The following TRAF2 variants were observed in gnomAD, a reference collection of about 807,000 sequenced individuals.
The protein encoded by TRAF2 is TNF receptor associated factor 2.
A neutral mutation model predicts 55.6 loss-of-function variants in TRAF2; 6 were observed. The observed-to-expected ratio is 0.11, with a 90% confidence interval of 0.06 to 0.21. The LOEUF (loss-of-function observed/expected upper bound fraction) is 0.21. Ranked by LOEUF, TRAF2 falls within the 10% of genes least tolerant of loss-of-function variation. The probability of loss-of-function intolerance (pLI) is 1.00; values close to 1 mark genes in which losing one functional copy is unlikely to be tolerated. For missense variants in TRAF2, 561 were observed against 684.5 expected, an observed-to-expected ratio of 0.82 and a Z score of 2.01; for synonymous variants, 329 against 276.3, an observed-to-expected ratio of 1.19 and a Z score of -1.89.
At chr9:136,897,845 T>G (rs1392656155) in intron 1 of TRAF2, among the ~76,000 whole-genome samples, 2 of 117,716 alleles carry the variant, frequency 1.7e-5, no homozygotes, top group Admixed American at 9.8e-5. Context: ...CTATAGGGAG[T>G]GCACTAGCCA....
chr9:136,905,826 C>T lies in TRAF2; in HGVS notation c.367-2244C>T, dbSNP rs545164582. 3.9e-5 allele frequency among the ~76,000 whole-genome samples: 6 copies of T among 152,204 alleles called. No individual in the cohort carries two copies. The South Asian group carries it at 6.2e-4, about 16-fold the overall frequency. ...AGCCTGGGTAAGATGGCTCTACCGC[C>T]GGGCGCGGTGGCTCACACCTGTAAT... is the stretch of plus-strand genomic sequence containing the variant. On this transcript the variant is annotated intron_variant, in intron 4 of 10. Coordinates refer to ENST00000247668, the MANE Select transcript of TRAF2 (RefSeq NM_021138.4).
intron 7 of TRAF2, among the ~76,000 whole-genome samples, chr9:136,917,315 C>T (rs1354257926): frequency 6.6e-6 from 1 of 152,234 alleles, no homozygotes; most frequent in Admixed American, 6.5e-5. Flanking sequence ...GCTCGCTGGC[C>T]TGAGCTTCCT....
chr9:136,903,231 A>G (rs1849862745), intron 4 of TRAF2, among the ~76,000 whole-genome samples: 1 of 152,230 alleles, frequency 6.6e-6, no homozygotes. Context: ...GATTCCTGGC[A>G]TAAGCCACTG....
In TRAF2 at chr9:136,925,730, C is replaced by T. The variant is rs763371819; in HGVS notation, c.1335C>T (p.Asp445=). 4.2e-5 allele frequency: 67 copies of T among 1,614,112 alleles called. No individual in the cohort carries two copies. In the Admixed American group the frequency reaches 4.3e-4, roughly 10 times the overall value. The change falls in exon 11 of 11, where the codon GAC becomes GAT. Residue 445 remains aspartate, a synonymous_variant. Coordinates refer to ENST00000247668, the MANE Select transcript of TRAF2 (RefSeq NM_021138.4). ...LDQNNREHVI[D]AFRPDVTSSS... ...AGAATAACCGGGAGCACGTGATTGA[C>T]GCCTTCAGGCCCGACGTGACTTCAT...
chr9:136,924,964 C>A (rs931365674), intron 10 of TRAF2, among the ~76,000 whole-genome samples: 2 of 152,194 alleles, frequency 1.3e-5, no homozygotes, highest in East Asian at 1.9e-4. Context: ...GTCTTGATCT[C>A]CTGACCTTGT....
At chr9:136,887,965 G>A (rs1849491568) in intron 1 of TRAF2, among the ~76,000 whole-genome samples, 5 of 152,018 alleles carry the variant, frequency 3.3e-5, no homozygotes, top group Admixed American at 3.3e-4. Context: ...CGCCTCCTGG[G>A]TTCAAGCGAT....
At chr9:136,883,704 A>G (rs1213676567), upstream of TRAF2, among the ~76,000 whole-genome samples, 5 of 151,790 alleles carry the variant, frequency 3.3e-5, no homozygotes, top group South Asian at 2.1e-4. Context: ...TTTAGTAGAG[A>G]CAGGGTTTCA....
rs896170788 is a variant in TRAF2 at position 136,895,817 on chromosome 9, G to A, written c.-28-2896G>A. ...TGACAGATTGCTCCACTGCACTCCA[G>A]CCTAGGTGACAGAGCGTAAGACTCT... On this transcript the variant is annotated intron_variant, in intron 1 of 10. Coordinates refer to ENST00000247668, the MANE Select transcript of TRAF2 (RefSeq NM_021138.4). Among the ~76,000 whole-genome samples the A allele has an allele frequency of 2.8e-5, 4 of 144,636 alleles. 1 individual carries two copies. The Admixed American group carries it at 2.8e-4, about 10-fold the overall frequency. 94.9% of individuals were successfully genotyped at this position (144,636 alleles called of 152,430 possible).
rs1850062907 is a variant in TRAF2, at chr9:136,909,939, C to T, written c.548C>T (p.Pro183Leu). Residue 183 changes from proline (P) to leucine (L), a missense_variant, in exon 6 of 11, where the codon CCC becomes CTC. Physicochemically the swap from Pro to Leu is moderately conservative, Grantham distance 98 (BLOSUM62 -3). Around this residue, in one of 2 missense-constraint regions of TRAF2, gnomAD observed 426 missense variants for 476.8 expected, o/e 0.89. Transcript: ENST00000247668. Reference sequence around the variant, plus strand: ...TTGAAGGCGCACCACGAGGTCTGCCCCAAGTTCCCCTTAACTTGTGACGGC... The same window carrying T: ...TTGAAGGCGCACCACGAGGTCTGCCTCAAGTTCCCCTTAACTTGTGACGGC... ...ADVKAHHEVCPKFPLTCDGCG... is the reference protein window; with the variant it reads ...ADVKAHHEVCLKFPLTCDGCG... 1.4e-5 allele frequency: 22 copies of T among 1,614,148 alleles called. No homozygotes were observed. In the East Asian group the frequency reaches 4.9e-4, roughly 36 times the overall value.
chr9:136,907,952 C>T, intron 4 of TRAF2, 118 bp from the exon 5 acceptor site: 7 of 1,357,960 alleles, frequency 5.2e-6, no homozygotes, highest in Non-Finnish European at 7.0e-6. Context: ...AGGGCGGCCC[C>T]CAGGACCAGC....
chr9:136,882,458 T>C (rs1351639115), upstream of TRAF2, among the ~76,000 whole-genome samples: 2 of 152,198 alleles, frequency 1.3e-5, no homozygotes, highest in Non-Finnish European at 2.9e-5. Flanking sequence ...CCAGGGACAC[T>C]GGCACCCTCG....
chr9:136,922,773 CGG>C (rs199668815), intron 9 of TRAF2, among the ~76,000 whole-genome samples: 1 of 29,058 alleles, frequency 3.4e-5, no homozygotes. Flanking sequence ...AGGACTAGGA[CGG>C]GGGGAGGATG....
At chr9:136,887,031 C>T (rs1379186877) in intron 1 of TRAF2, among the ~76,000 whole-genome samples, 1 of 152,168 alleles carries the variant, frequency 6.6e-6, no homozygotes, top group African/African-American at 2.4e-5. Flanking sequence ...CCAGCGCCCC[C>T]CAGCCAGGGG....
chr9:136,898,664 G>C (rs774939474), intron 1 of TRAF2, 49 bp from the exon 2 acceptor site: 4 of 1,599,496 alleles, frequency 2.5e-6, no homozygotes, highest in Non-Finnish European at 3.4e-6. Flanking sequence ...GTTTTGTCTC[G>C]AGGACTGTTC....
intron 6 of TRAF2, 102 bp downstream of exon 6, chr9:136,910,096 C>G: frequency 1.6e-6 from 2 of 1,250,446 alleles, no homozygotes; most frequent in Middle Eastern, 1.9e-4. Context: ...CCCTTGTGCC[C>G]AAAGGAACAG....
Position 136,900,504 on chromosome 9 carries a change from C to T in TRAF2, c.350C>T (p.Thr117Ile), listed in dbSNP as rs1849793477. Reference sequence around the variant, plus strand: ...AGTGATGGATGCACCTGGAAGGGGACCCTGAAAGAATACGAGGTAAAGATG... The same window carrying T: ...AGTGATGGATGCACCTGGAAGGGGATCCTGAAAGAATACGAGGTAAAGATG... The part of the protein sequence containing the change: ...CPSDGCTWKG[T>I]LKEYESCHEG... Residue 117 changes from threonine to isoleucine, a missense_variant, in exon 4 of 11, where the codon ACC (threonine) becomes ATC (isoleucine). Around this residue, in one of 2 missense-constraint regions of TRAF2, gnomAD observed 426 missense variants for 476.8 expected, o/e 0.89. Coordinates refer to ENST00000247668, the MANE Select transcript of TRAF2 (RefSeq NM_021138.4). 2 of 1,613,948 alleles carry T rather than the reference C, an allele frequency of 1.2e-6. No individual in the cohort carries two copies. The highest frequency in any genetic ancestry group is 1.1e-5 in the South Asian group (1 of 91,074).
chr9:136,903,598 G>T (rs1202474096), intron 4 of TRAF2, among the ~76,000 whole-genome samples: 2 of 151,966 alleles, frequency 1.3e-5, no homozygotes, highest in African/African-American at 4.8e-5. Context: ...GATGGTGCTG[G>T]TGTAGATGTA....
chr9:136,916,446 C>CATGT, intron 6 of TRAF2, 95 bp from the exon 7 acceptor site: 2 of 1,303,818 alleles, frequency 1.5e-6, no homozygotes, highest in Non-Finnish European at 2.2e-6. Flanking sequence ...CGGGGCAGGT[C>CATGT]ATGTAACCTC....
intron 5 of TRAF2, among the ~76,000 whole-genome samples, chr9:136,909,647 G>A (rs1025326013): frequency 2.0e-5 from 3 of 152,230 alleles, no homozygotes; most frequent in African/African-American, 7.2e-5. Flanking sequence ...CACCGGGGCC[G>A]TTGTTTCACG....
Sources: gnomAD v4.1 joint callset for allele counts (sites outside exome capture counted in the v4.1 genomes callset) on GRCh38, gnomAD v4.1.1 for gene constraint, gnomAD v4.1.1 regional missense constraint, MANE v1.5 for transcripts, NCBI Gene and HGNC (gene_info 2026-07-23, HGNC 2026-07-21) for gene names.